Variants in MGAT4C observed in about 807,000 individuals in gnomAD.
MGAT4C encodes the protein alpha-1,3-mannosyl-glycoprotein 4-beta-N-acetylglucosaminyltransferase C.
A neutral mutation model predicts 40.1 loss-of-function variants in MGAT4C; 19 were observed. That is an observed-to-expected ratio of 0.47 (90% CI 0.33 to 0.70). MGAT4C has a LOEUF of 0.70. Ranked by LOEUF, MGAT4C falls within the 30% of genes least tolerant of loss-of-function variation. The pLI, the probability that MGAT4C is intolerant of heterozygous loss-of-function variation, is 0.02. For synonymous variants in MGAT4C, 181 were observed against 187.1 expected, an observed-to-expected ratio of 0.97 and a Z score of 0.27; for missense variants, 491 against 563.2, an observed-to-expected ratio of 0.87 and a Z score of 1.30.
At chr12:86,213,933 A>G (rs1404163713) in intron 1 of MGAT4C, among the ~76,000 whole-genome samples, 1 of 152,256 alleles carries the variant, frequency 6.6e-6, no homozygotes, top group African/African-American at 2.4e-5. Flanking sequence ...CATCTATTGT[A>G]TGCCCATAAG....
intron 1 of MGAT4C, among the ~76,000 whole-genome samples, chr12:86,170,013 C>T (rs1365965112): frequency 6.6e-6 from 1 of 152,174 alleles, no homozygotes; most frequent in Non-Finnish European, 1.5e-5. Flanking sequence ...AGGCCAGAGG[C>T]ATTCCCATGT....
chr12:86,725,603 G>C (rs1196738419), intron 2 of MGAT4C, among the ~76,000 whole-genome samples: 1 of 152,074 alleles, frequency 6.6e-6, no homozygotes, highest in African/African-American at 2.4e-5. Context: ...TGGGATTACA[G>C]GCGCACGCTG....
At chr12:86,059,336 C>G (rs531600226) in intron 1 of MGAT4C, among the ~76,000 whole-genome samples, 1 of 152,212 alleles carries the variant, frequency 6.6e-6, no homozygotes, top group Non-Finnish European at 1.5e-5. Flanking sequence ...GCCACCGCAC[C>G]CAGCCTTAAC....
chr12:86,538,056 C>T (rs867869053), intron 2 of MGAT4C, among the ~76,000 whole-genome samples: 20 of 152,220 alleles, frequency 1.3e-4, no homozygotes, highest in African/African-American at 4.6e-4. Context: ...CAGTGCACTC[C>T]AGCCTGGGCA....
chr12:86,458,224 A>C (rs1230859011), intron 2 of MGAT4C, among the ~76,000 whole-genome samples: 1 of 152,162 alleles, frequency 6.6e-6, no homozygotes, highest in African/African-American at 2.4e-5. Flanking sequence ...CAATAAAACT[A>C]AGCCATGCCT....
intron 1 of MGAT4C, among the ~76,000 whole-genome samples, chr12:86,218,050 C>CT (rs1223512685): frequency 6.6e-6 from 1 of 150,884 alleles, no homozygotes; most frequent in African/African-American, 2.4e-5. Flanking sequence ...AAAACGAGAA[C>CT]TTTTTTTTTG....
chr12:86,802,811 A>C (rs1215990326), intron 1 of MGAT4C, among the ~76,000 whole-genome samples: 3 of 145,056 alleles, frequency 2.1e-5, no homozygotes, highest in African/African-American at 5.1e-5. Flanking sequence ...GGTAGGAAGA[A>C]TCAATATCGT....
chr12:86,435,079 C>A (rs920680190), intron 3 of MGAT4C: 1 of 151,948 alleles, frequency 6.6e-6, no homozygotes, highest in Non-Finnish European at 1.5e-5. Flanking sequence ...AGAGTCTCCT[C>A]TCCCTGACCA....
At position 85,962,696 on chromosome 12, in the gene MGAT4C, C is replaced by T. The variant is rs1883176227; in HGVS notation, c.*16593G>A. 1 of 150,708 alleles carries T rather than the reference C, an allele frequency of 6.6e-6. No homozygotes were observed. Among genetic ancestry groups the T allele is most frequent in the African/African-American group, 2.4e-5 (1 of 41,180 alleles). The allele number at this position is 150,708 out of a possible 1,614,324, so 9.3% of individuals were successfully genotyped here. On this transcript the variant is annotated 3_prime_UTR_variant, in exon 5 of 5. Transcript: ENST00000611864. ...CCATAACATTATTAATATATCAGTG[C>T]TATCAACTACATTTTACATAGGATG... is the stretch of plus-strand genomic sequence containing the variant.
At chr12:86,694,056 C>T (rs893789371) in intron 2 of MGAT4C, among the ~76,000 whole-genome samples, 1 of 152,130 alleles carries the variant, frequency 6.6e-6, no homozygotes, top group African/African-American at 2.4e-5. Flanking sequence ...TAACATGTAG[C>T]TTCTAAATTA....
At chr12:86,239,420 CTCTG>C (rs1271727760) in intron 1 of MGAT4C, among the ~76,000 whole-genome samples, 5 of 152,092 alleles carry the variant, frequency 3.3e-5, no homozygotes, top group Non-Finnish European at 2.9e-5. Flanking sequence ...CTCTCTCTCT[CTCTG>C]TCTACTTCAG....
chr12:86,344,074 A>G (rs1954962578), intron 3 of MGAT4C, among the ~76,000 whole-genome samples: 1 of 152,200 alleles, frequency 6.6e-6, no homozygotes, highest in Non-Finnish European at 1.5e-5. Context: ...GAATAAAGTA[A>G]GAATTGCAGA....
At chr12:86,208,905 A>G (rs1455021035) in intron 1 of MGAT4C, among the ~76,000 whole-genome samples, 2 of 152,188 alleles carry the variant, frequency 1.3e-5, no homozygotes, top group African/African-American at 2.4e-5. Flanking sequence ...AAACTCAAAA[A>G]GGACCTATAC....
intron 1 of MGAT4C, among the ~76,000 whole-genome samples, chr12:86,774,281 C>CTCGCTCTTTCTTTCTTTCTTTCTT (rs1555227734): frequency 2.5e-4 from 15 of 58,960 alleles, no homozygotes; most frequent in Admixed American, 1.3e-3. Context: ...CTAAGGCTTG[C>CTCGCTCTTTCTTTCTTTCTTTCTT]TCTTTCTTTC....
chr12:85,994,584 C>T (rs931622365), intron 2 of MGAT4C, among the ~76,000 whole-genome samples: 1 of 151,694 alleles, frequency 6.6e-6, no homozygotes, highest in Non-Finnish European at 1.5e-5. Context: ...TTATTTTCTA[C>T]ACCTTGGTTT....
intron 1 of MGAT4C, among the ~76,000 whole-genome samples, chr12:86,233,551 T>A (rs778465537): frequency 1.3e-5 from 2 of 152,198 alleles, no homozygotes; most frequent in Non-Finnish European, 2.9e-5. Context: ...GATATTTTGT[T>A]GGTGAATTCC....
At chr12:86,025,855 T>C (rs1592717552) in intron 2 of MGAT4C, among the ~76,000 whole-genome samples, 1 of 151,798 alleles carries the variant, frequency 6.6e-6, no homozygotes, top group Admixed American at 6.6e-5. Flanking sequence ...TAAGACATTA[T>C]GCTATGTTGT....
chr12:86,032,438 T>C (rs974624208), intron 2 of MGAT4C, among the ~76,000 whole-genome samples: 1 of 144,132 alleles, frequency 6.9e-6, no homozygotes, highest in Admixed American at 7.0e-5. Flanking sequence ...ATTTTTTGAC[T>C]TTTTAATAAT....
At chr12:86,009,858 C>A (rs894435385) in intron 2 of MGAT4C, among the ~76,000 whole-genome samples, 1 of 152,078 alleles carries the variant, frequency 6.6e-6, no homozygotes, top group Non-Finnish European at 1.5e-5. Flanking sequence ...GGTTTTCTTT[C>A]CATTATAAAT....
Sources: gnomAD v4.1 joint callset for allele counts (sites outside exome capture counted in the v4.1 genomes callset) on GRCh38, gnomAD v4.1.1 for gene constraint, MANE v1.5 for transcripts, NCBI Gene and HGNC (gene_info 2026-07-23, HGNC 2026-07-21) for gene names.